The following MSI2 variants were observed in gnomAD, a reference collection of about 807,000 sequenced individuals.
MSI2 encodes the protein RNA-binding protein Musashi homolog 2.
A neutral mutation model predicts 45.6 loss-of-function variants in MSI2; 17 were observed. That is an observed-to-expected ratio of 0.37 (90% CI 0.26 to 0.56). MSI2 has a LOEUF of 0.56. Ranked by LOEUF, MSI2 falls within the 20% of genes least tolerant of loss-of-function variation. The pLI, the probability that MSI2 is intolerant of heterozygous loss-of-function variation, is 0.77. For missense variants in MSI2, 293 were observed against 444.2 expected (o/e 0.66, Z 3.06); for synonymous variants, 156 against 158.2 (o/e 0.99, Z 0.11).
intron 7 of MSI2, among the ~76,000 whole-genome samples, chr17:57,592,754 A>G (rs1904952653): frequency 6.6e-6 from 1 of 152,180 alleles, no homozygotes; most frequent in South Asian, 2.1e-4. Flanking sequence ...TGATGCCCTG[A>G]GTCTTGCCCC....
chr17:57,541,747 C>T (rs2087051440), intron 7 of MSI2, among the ~76,000 whole-genome samples: 1 of 152,146 alleles, frequency 6.6e-6, no homozygotes, highest in Non-Finnish European at 1.5e-5. Context: ...GGTTGGCAAA[C>T]CAAGTAGTGT....
intron 6 of MSI2, among the ~76,000 whole-genome samples, chr17:57,445,554 G>T (rs1002691248): frequency 6.6e-6 from 1 of 151,728 alleles, no homozygotes; most frequent in African/African-American, 2.4e-5. Flanking sequence ...AGGGCGGTGG[G>T]GGGGGGTGCA....
chr17:57,303,175 G>A (rs1237838581), intron 5 of MSI2, among the ~76,000 whole-genome samples: 1 of 152,192 alleles, frequency 6.6e-6, no homozygotes, highest in Non-Finnish European at 1.5e-5. Flanking sequence ...GCTTTGGCGG[G>A]GGCGGTCTGT....
At chr17:57,418,736 G>A (rs968579327) in intron 6 of MSI2, among the ~76,000 whole-genome samples, 1 of 152,110 alleles carries the variant, frequency 6.6e-6, no homozygotes, top group Non-Finnish European at 1.5e-5. Context: ...TTTATGCGAC[G>A]GGTCCTTGAC....
intron 7 of MSI2, among the ~76,000 whole-genome samples, chr17:57,574,718 C>T (rs1234530149): frequency 2.6e-5 from 4 of 152,132 alleles, no homozygotes; most frequent in Non-Finnish European, 5.9e-5. Flanking sequence ...CTTTTGCCAT[C>T]TATCTTCTAC....
At chr17:57,320,140 T>A (rs1051284839) in intron 5 of MSI2, among the ~76,000 whole-genome samples, 3 of 152,204 alleles carry the variant, frequency 2.0e-5, no homozygotes, top group East Asian at 1.9e-4. Flanking sequence ...GCTGCTGAAC[T>A]GTGTTCCGAT....
At chr17:57,490,859 C>T (rs1234237597) in intron 6 of MSI2, among the ~76,000 whole-genome samples, 1 of 151,282 alleles carries the variant, frequency 6.6e-6, no homozygotes, top group Non-Finnish European at 1.5e-5. Flanking sequence ...ATTTTGCATT[C>T]TTCACTTCCT....
At chr17:57,687,231 T>TG (rs1913904419), downstream of MSI2, among the ~76,000 whole-genome samples, 5 of 151,932 alleles carry the variant, frequency 3.3e-5, no homozygotes, top group African/African-American at 1.2e-4. Flanking sequence ...GATGGAATTT[T>TG]TTTTGGGGGA....
chr17:57,629,287 G>T (rs1164652031), intron 10 of MSI2: 26 of 152,138 alleles, frequency 1.7e-4, no homozygotes, highest in Admixed American at 1.7e-3. Context: ...AAATGAGCCG[G>T]GCGTGGTGCC....
chr17:57,433,631 G>A (rs1446148176), intron 6 of MSI2, among the ~76,000 whole-genome samples: 4 of 152,208 alleles, frequency 2.6e-5, no homozygotes, highest in African/African-American at 9.7e-5. Context: ...GTGTTTTGAA[G>A]CCACGAATTC....
intron 5 of MSI2, among the ~76,000 whole-genome samples, chr17:57,399,213 A>T (rs2143071726): frequency 6.6e-6 from 1 of 152,304 alleles, no homozygotes; most frequent in South Asian, 2.1e-4. Context: ...CAGTGGTGGG[A>T]TCTTCATAGA....
intron 10 of MSI2, among the ~76,000 whole-genome samples, chr17:57,637,850 C>T (rs1909956464): frequency 6.6e-6 from 1 of 152,186 alleles, no homozygotes; most frequent in African/African-American, 2.4e-5. Context: ...TGCAGGTGAC[C>T]CCACACCTCG....
chr17:57,653,702 A>G (rs1051934746), intron 11 of MSI2, among the ~76,000 whole-genome samples: 5 of 152,084 alleles, frequency 3.3e-5, no homozygotes, highest in Non-Finnish European at 7.4e-5. Context: ...AACTTGGATT[A>G]TGAAACTAAA....
intron 7 of MSI2, among the ~76,000 whole-genome samples, chr17:57,592,641 A>T (rs751832151): frequency 6.6e-6 from 1 of 152,192 alleles, no homozygotes; most frequent in Non-Finnish European, 1.5e-5. Flanking sequence ...AATCCGGGCT[A>T]TCTCCTTTAA....
chr17:57,366,974 A>C (rs927472072), intron 5 of MSI2, among the ~76,000 whole-genome samples: 2 of 152,150 alleles, frequency 1.3e-5, no homozygotes, highest in African/African-American at 4.8e-5. Context: ...AATATATCCA[A>C]CTAGTCAATC....
intron 6 of MSI2, among the ~76,000 whole-genome samples, chr17:57,435,922 A>G (rs2084682773): frequency 6.6e-6 from 1 of 152,156 alleles, no homozygotes; most frequent in Non-Finnish European, 1.5e-5. Flanking sequence ...GCTCTACTAT[A>G]CACATGGGAA....
chr17:57,675,704 A>G (rs1358464877), intron 12 of MSI2, among the ~76,000 whole-genome samples: 1 of 152,178 alleles, frequency 6.6e-6, no homozygotes, highest in African/African-American at 2.4e-5. Flanking sequence ...GCCCTCTCCC[A>G]GGCAGTTTCC....
intron 8 of MSI2, among the ~76,000 whole-genome samples, chr17:57,600,343 AT>A (rs1347601785): frequency 2.6e-5 from 4 of 152,190 alleles, no homozygotes; most frequent in African/African-American, 9.6e-5. Flanking sequence ...TGGAGCCATG[AT>A]TTTTTTATAT....
intron 5 of MSI2, among the ~76,000 whole-genome samples, chr17:57,299,201 C>A (rs935998916): frequency 2.0e-5 from 3 of 152,240 alleles, no homozygotes; most frequent in Non-Finnish European, 2.9e-5. Flanking sequence ...GTTTGATCTT[C>A]TATCCAGATA....
Sources: gnomAD v4.1 joint callset for allele counts (sites outside exome capture counted in the v4.1 genomes callset) on GRCh38, gnomAD v4.1.1 for gene constraint, MANE v1.5 for transcripts, NCBI Gene and HGNC (gene_info 2026-07-23, HGNC 2026-07-21) for gene names.